Variants in EPB41L4B observed in about 807,000 individuals in gnomAD.
EPB41L4B encodes the protein erythrocyte membrane protein band 4.1 like 4B, also known as band 4.1-like protein 4B.
In EPB41L4B, 30 loss-of-function variants were observed where a neutral mutation model predicts 112.5. That is an observed-to-expected ratio of 0.27 (90% CI 0.20 to 0.36). The LOEUF is 0.36. Among genes scored for constraint, EPB41L4B ranks in the 10% least tolerant of loss-of-function variants. EPB41L4B has a pLI of 1.00. For missense variants in EPB41L4B, 1,024 were observed against 1,133.3 expected, an observed-to-expected ratio of 0.90 and a Z score of 1.38; for synonymous variants, 408 against 439.7, an observed-to-expected ratio of 0.93 and a Z score of 0.90.
intron 22 of EPB41L4B, among the ~76,000 whole-genome samples, chr9:109,187,102 T>C (rs73523172): frequency 0.12 from 17,745 of 152,090 alleles, 1,590 homozygotes; most frequent in African/African-American, 0.24. Context: ...CAGGGTTATT[T>C]TGGGTTTCAG....
intron 15 of EPB41L4B, among the ~76,000 whole-genome samples, chr9:109,236,208 G>C (rs1463412689): frequency 6.6e-6 from 1 of 152,188 alleles, no homozygotes; most frequent in Non-Finnish European, 1.5e-5. Flanking sequence ...CCTTGCTTCT[G>C]AAGTGGGAAG....
chr9:109,268,240 G>A (rs1032554071), intron 3 of EPB41L4B, 151 bp downstream of exon 3: 2 of 726,242 alleles, frequency 2.8e-6, no homozygotes, highest in Non-Finnish European at 4.5e-6. Context: ...TCTTTGGCTA[G>A]CCTTAAGAAA....
intron 1 of EPB41L4B, among the ~76,000 whole-genome samples, chr9:109,285,934 C>T (rs1275077692): frequency 6.6e-6 from 1 of 152,118 alleles, no homozygotes; most frequent in East Asian, 1.9e-4. Context: ...AGGTGTGTGC[C>T]TTAAGTATAT....
rs1456365500 is a variant in EPB41L4B, at chr9:109,204,100, C to T, written c.1879-370G>A. Among the ~76,000 whole-genome samples, 3 of 152,200 alleles carry T rather than the reference C, an allele frequency of 2.0e-5. No individual in the cohort carries two copies. In the East Asian group the frequency reaches 5.8e-4, roughly 29 times the overall value. On this transcript the variant is annotated intron_variant, in intron 18 of 25. Coordinates refer to ENST00000374566, the MANE Select transcript of EPB41L4B (RefSeq NM_019114.5). The stretch of plus-strand genomic sequence containing the variant: ...GGAATAATAATCAGCTCTATGTTCA[C>T]ATAGCACTTACAGTTTACAAAGGAA...
chr9:109,262,944 T>C, intron 6 of EPB41L4B, 106 bp downstream of exon 6: 1 of 779,414 alleles, frequency 1.3e-6, no homozygotes, highest in Non-Finnish European at 2.1e-6. Context: ...CATATTCATT[T>C]ATATCCCCAA....
chr9:109,223,459 C>T (rs575704493), intron 15 of EPB41L4B, among the ~76,000 whole-genome samples: 1 of 150,564 alleles, frequency 6.6e-6, no homozygotes, highest in Admixed American at 6.6e-5. Flanking sequence ...AAAATTGTTG[C>T]ATATTGCATA....
At position 109,200,343 on chromosome 9, in the gene EPB41L4B, A is replaced by G; in HGVS notation, c.1947-9T>C. On this transcript the variant is annotated splice_polypyrimidine_tract_variant and intron_variant, in intron 19 of 25. Coordinates refer to ENST00000374566, the MANE Select transcript of EPB41L4B (RefSeq NM_019114.5). ...GAATAGGAATAGGACTTCTAGAGAC[A>G]CACCGAAAAACAGAACAATACCATC... 1 of 1,607,344 alleles carries G rather than the reference A, an allele frequency of 6.2e-7. No individual in the cohort carries two copies. Among genetic ancestry groups the G allele is most frequent in the South Asian group, 1.1e-5 (1 of 90,882 alleles).
intron 1 of EPB41L4B, among the ~76,000 whole-genome samples, chr9:109,318,311 T>C (rs1467170398): frequency 6.6e-6 from 1 of 152,082 alleles, no homozygotes; most frequent in Non-Finnish European, 1.5e-5. Flanking sequence ...GAAGAAACCT[T>C]TTAGGATGCA....
intron 19 of EPB41L4B, among the ~76,000 whole-genome samples, chr9:109,201,591 G>A (rs916970253): frequency 3.3e-5 from 5 of 152,292 alleles, no homozygotes; most frequent in South Asian, 2.1e-4. Flanking sequence ...CCTGAAGAAC[G>A]TATAGTCTAT....
chr9:109,247,832 T>G, intron 13 of EPB41L4B, 43 bp from the exon 14 acceptor site: 1 of 1,397,440 alleles, frequency 7.2e-7, no homozygotes, highest in Non-Finnish European at 9.6e-7. Context: ...AAAAGAAAAA[T>G]AGGTTGTAGA....
intron 17 of EPB41L4B, among the ~76,000 whole-genome samples, chr9:109,211,966 C>A (rs1409216955): frequency 1.3e-5 from 2 of 151,862 alleles, no homozygotes; most frequent in East Asian, 3.9e-4. Context: ...GAGATCCACC[C>A]GCCTTAGCCT....
intron 1 of EPB41L4B, among the ~76,000 whole-genome samples, chr9:109,314,831 T>A (rs1837573726): frequency 6.6e-6 from 1 of 152,134 alleles, no homozygotes; most frequent in Admixed American, 6.5e-5. Context: ...AGCCCTGGGA[T>A]AAGCCAGTGT....
At chr9:109,194,138 A>G in intron 21 of EPB41L4B, 82 bp downstream of exon 21, 2 of 1,455,486 alleles carry the variant, frequency 1.4e-6, no homozygotes, top group Non-Finnish European at 1.9e-6. Flanking sequence ...ATTTAAATAC[A>G]TGCACCAGAT....
chr9:109,231,698 T>C (rs934907471), intron 15 of EPB41L4B, among the ~76,000 whole-genome samples: 1 of 152,208 alleles, frequency 6.6e-6, no homozygotes, highest in African/African-American at 2.4e-5. Context: ...GGCAAACAAC[T>C]ATCAAATGAT....
chr9:109,206,797 G>A (rs573291491), intron 18 of EPB41L4B, among the ~76,000 whole-genome samples: 3 of 152,348 alleles, frequency 2.0e-5, no homozygotes, highest in South Asian at 2.1e-4. Flanking sequence ...CCAGGGGCCT[G>A]CAAACCTCAT....
intron 15 of EPB41L4B, among the ~76,000 whole-genome samples, chr9:109,225,005 A>T (rs1833710155): frequency 1.3e-5 from 2 of 152,198 alleles, no homozygotes. Flanking sequence ...CTTCTATTTA[A>T]GGCAGCAAGT....
At chr9:109,318,936 T>C (rs1242118620) in intron 1 of EPB41L4B, among the ~76,000 whole-genome samples, 3 of 152,220 alleles carry the variant, frequency 2.0e-5, no homozygotes, top group Non-Finnish European at 4.4e-5. Context: ...GATTTTCCCA[T>C]CTGAGACCCT....
At chr9:109,253,668 C>T (rs1400853336) in intron 11 of EPB41L4B, 118 bp from the exon 12 acceptor site, 2 of 697,932 alleles carry the variant, frequency 2.9e-6, no homozygotes, top group Admixed American at 5.2e-5. Context: ...TTAGCCTGAA[C>T]TCACTTGGGT....
At chr9:109,291,572 C>T (rs769014950) in intron 1 of EPB41L4B, among the ~76,000 whole-genome samples, 1 of 152,200 alleles carries the variant, frequency 6.6e-6, no homozygotes, top group Non-Finnish European at 1.5e-5. Context: ...TAAAACAGAG[C>T]ACATGTTATT....
Sources: allele counts gnomAD v4.1 joint callset (sites outside exome capture counted in the v4.1 genomes callset), GRCh38; gene constraint gnomAD v4.1.1; transcripts MANE v1.5; gene names NCBI Gene and HGNC (gene_info 2026-07-23, HGNC 2026-07-21).